VTI1A: variants seen among roughly 807,000 people sequenced by gnomAD.
VTI1A encodes vesicle transport through interaction with t-SNAREs homolog 1A.
VTI1A carries 22 observed loss-of-function variants against 34.9 expected under a neutral mutation model. The observed-to-expected ratio is 0.63, with a 90% confidence interval of 0.45 to 0.90. The LOEUF is 0.90. Among genes scored for constraint, VTI1A ranks in the 40% least tolerant of loss-of-function variants. VTI1A has a pLI of 0.00. For missense variants in VTI1A, 268 were observed against 275.6 expected, an observed-to-expected ratio of 0.97 and a Z score of 0.20; for synonymous variants, 87 against 97.3, an observed-to-expected ratio of 0.89 and a Z score of 0.62.
At chr10:112,564,121 T>G (rs1851821916) in intron 5 of VTI1A, among the ~76,000 whole-genome samples, 1 of 151,990 alleles carries the variant, frequency 6.6e-6, no homozygotes, top group Non-Finnish European at 1.5e-5. Context: ...AAAATAGTTT[T>G]TTTTTTTTTT....
intron 5 of VTI1A, among the ~76,000 whole-genome samples, chr10:112,574,708 A>C (rs1410233672): frequency 6.6e-6 from 1 of 152,242 alleles, no homozygotes; most frequent in Non-Finnish European, 1.5e-5. Context: ...TGTATTAGGC[A>C]CTAGGAGCAA....
In VTI1A at chr10:112,454,737, CTG is replaced by C. The variant is rs1021385590; in HGVS notation, c.95-5785_95-5784del. On this transcript the variant is annotated intron_variant, in intron 1 of 7. Transcript: ENST00000393077. Reference sequence around the variant, plus strand: ...CAAAAAAAAAAAAAAAAGTGGGAGACTGTTTATATATTAAATAGTATATTTTA... The same window carrying C: ...CAAAAAAAAAAAAAAAAGTGGGAGACTTTATATATTAAATAGTATATTTTA... Among the ~76,000 whole-genome samples the C allele has an allele frequency of 5.3e-5, 8 of 150,164 alleles. No individual in the cohort carries two copies. The Middle Eastern group carries it at 0.01, about 194-fold the overall frequency.
At chr10:112,504,962 G>A (rs912153534) in intron 3 of VTI1A, among the ~76,000 whole-genome samples, 35 of 151,770 alleles carry the variant, frequency 2.3e-4, no homozygotes, top group African/African-American at 8.2e-4. Flanking sequence ...GTGGGGATTC[G>A]TTGTTGATTT....
At chr10:112,668,902 C>T in intron 6 of VTI1A, 35 bp from the exon 7 acceptor site, 1 of 1,607,066 alleles carries the variant, frequency 6.2e-7, no homozygotes, top group Non-Finnish European at 8.5e-7. Flanking sequence ...AATCTAATTG[C>T]ATGAACTTCT....
intron 7 of VTI1A, among the ~76,000 whole-genome samples, chr10:112,760,552 G>A (rs1234055098): frequency 2.0e-5 from 3 of 152,106 alleles, no homozygotes; most frequent in East Asian, 1.9e-4. Flanking sequence ...TATTACCAGC[G>A]TGTGTGTGTT....
chr10:112,464,197 C>T (rs967390339), intron 2 of VTI1A, among the ~76,000 whole-genome samples: 25 of 152,148 alleles, frequency 1.6e-4, no homozygotes, highest in African/African-American at 4.6e-4. Flanking sequence ...GGGGTTTCGC[C>T]ATGTTGCCCA....
intron 3 of VTI1A, among the ~76,000 whole-genome samples, chr10:112,515,003 TA>T (rs1434774490): frequency 6.6e-6 from 1 of 152,108 alleles, no homozygotes; most frequent in Non-Finnish European, 1.5e-5. Context: ...ACTAAATTCT[TA>T]TCTAATTTTA....
chr10:112,655,423 A>T (rs748635257), intron 5 of VTI1A, among the ~76,000 whole-genome samples: 1 of 152,176 alleles, frequency 6.6e-6, no homozygotes, highest in African/African-American at 2.4e-5. Context: ...AAATGCTTTA[A>T]CAATCAAGGA....
chr10:112,447,459 TC>T lies in VTI1A; in HGVS notation c.89del (p.Pro30ArgfsTer45), dbSNP rs781678741. ...ITSKIARVPRLPPDEKKQMVA... is the reference protein window; with the variant it reads ...ITSKIARVPRXPPDEKKQMVA... The stretch of plus-strand genomic sequence containing the variant: ...AGCAAGATTGCGAGGGTCCCACGAC[TC>T]CCGCCTGGTGAGAGCCTTGCCCGGC... On this transcript the variant is annotated frameshift_variant, in exon 1 of 8. Transcript: ENST00000393077. LOFTEE classifies it high-confidence loss of function. 6.2e-7 allele frequency: 1 copy of T among 1,613,294 alleles called. No individual in the cohort carries two copies. Among genetic ancestry groups the T allele is most frequent in the East Asian group, 2.2e-5 (1 of 44,864 alleles).
intron 5 of VTI1A, among the ~76,000 whole-genome samples, chr10:112,602,678 A>G (rs1488915468): frequency 6.6e-6 from 1 of 152,228 alleles, no homozygotes; most frequent in African/African-American, 2.4e-5. Flanking sequence ...ACTATCAGGC[A>G]GCCTTTAGGA....
chr10:112,487,866 A>G (rs1006754001), intron 3 of VTI1A, among the ~76,000 whole-genome samples: 3 of 152,168 alleles, frequency 2.0e-5, no homozygotes, highest in African/African-American at 7.2e-5. Flanking sequence ...AATTTATACA[A>G]ATATTTTGGT....
chr10:112,651,727 C>T lies in VTI1A; in HGVS notation c.428-16491C>T, dbSNP rs754044380. 8.5e-5 allele frequency among the ~76,000 whole-genome samples: 13 copies of T among 152,266 alleles called. No individual in the cohort carries two copies. In the South Asian group the frequency reaches 1.5e-3, roughly 17 times the overall value. Reference sequence around the variant, plus strand: ...TTTTAGAACTGTGAGTATACACTTTCGGTGTGTCAGGGAGGAAATGAATGG... The same window carrying T: ...TTTTAGAACTGTGAGTATACACTTTTGGTGTGTCAGGGAGGAAATGAATGG... On this transcript the variant is annotated intron_variant, in intron 5 of 7. Transcript: ENST00000393077.
intron 7 of VTI1A, among the ~76,000 whole-genome samples, chr10:112,775,746 G>A (rs927486067): frequency 3.3e-5 from 5 of 152,136 alleles, no homozygotes; most frequent in South Asian, 2.1e-4. Context: ...AATTTATATC[G>A]AGTAATTGAA....
chr10:112,844,607 C>T, the VTI1A span, among the ~76,000 whole-genome samples: 2 of 152,200 alleles, frequency 1.3e-5, no homozygotes, highest in African/African-American at 4.8e-5. Flanking sequence ...CCATGTTGGT[C>T]TGGCTGGTCT....
chr10:112,761,776 G>C (rs199800195), intron 7 of VTI1A, among the ~76,000 whole-genome samples: 10,345 of 140,278 alleles, frequency 0.074, 394 homozygotes, highest in East Asian at 0.097. Flanking sequence ...TTCTCTGTGT[G>C]TGTGTGTGTG....
At chr10:112,846,732 C>T in the VTI1A span, among the ~76,000 whole-genome samples, 2 of 148,760 alleles carry the variant, frequency 1.3e-5, no homozygotes, top group African/African-American at 5.0e-5. Flanking sequence ...CGCCACTGCA[C>T]TCCAGCCTGG....
chr10:112,660,556 C>G (rs1847409451), intron 5 of VTI1A, among the ~76,000 whole-genome samples: 1 of 152,194 alleles, frequency 6.6e-6, no homozygotes, highest in Non-Finnish European at 1.5e-5. Flanking sequence ...GCCTTAAAGA[C>G]AAAGGAATTT....
intron 5 of VTI1A, among the ~76,000 whole-genome samples, chr10:112,550,460 C>T (rs757123892): frequency 4.0e-5 from 6 of 151,554 alleles, no homozygotes; most frequent in Non-Finnish European, 7.4e-5. Flanking sequence ...TTGTGTACAA[C>T]TTATATCAAG....
In VTI1A at chr10:112,817,146, A is replaced by C; in HGVS notation, c.*1763A>C. 1 of 232,680 alleles carries C rather than the reference A, an allele frequency of 4.3e-6. No individual in the cohort carries two copies. Among genetic ancestry groups the C allele is most frequent in the East Asian group, 6.1e-5 (1 of 16,520 alleles). The allele number at this position is 232,680 out of a possible 1,614,324, so 14.4% of individuals were successfully genotyped here. A position where few individuals can be genotyped will look rare whatever the true frequency, so the allele number is the denominator to read the frequency against. On this transcript the variant is annotated 3_prime_UTR_variant, in exon 8 of 8. Coordinates refer to ENST00000393077, the MANE Select transcript of VTI1A (RefSeq NM_145206.4). ...CCATTAAAAAGCAAGGAAACAAACA[A>C]ACAACCCTTTTCTCATTCCGACACA...
Sources: gnomAD v4.1 joint callset for allele counts (sites outside exome capture counted in the v4.1 genomes callset) on GRCh38, gnomAD v4.1.1 for gene constraint, MANE v1.5 for transcripts, NCBI Gene and HGNC (gene_info 2026-07-23, HGNC 2026-07-21) for gene names.